The following PCDHGB6 variants were observed in gnomAD, a reference collection of about 807,000 sequenced individuals.
The protein encoded by PCDHGB6 is protocadherin gamma-B6.
In PCDHGB6, 51 loss-of-function variants were observed where a neutral mutation model predicts 59.1. The observed-to-expected ratio is 0.86, with a 90% CI of 0.69 to 1.09. PCDHGB6 has a LOEUF of 1.09. PCDHGB6 is among the 50% of genes least tolerant of loss of function. The probability of loss-of-function intolerance (pLI) is 0.00; values close to 1 mark genes in which losing one functional copy is unlikely to be tolerated. For missense variants in PCDHGB6, 1,148 were observed against 1,205.1 expected, an observed-to-expected ratio of 0.95 and a Z score of 0.70; for synonymous variants, 466 against 495.1, an observed-to-expected ratio of 0.94 and a Z score of 0.78.
At chr5:141,410,846 TGTC>T (rs1025068052) in intron 1 of PCDHGB6, 5 of 423,660 alleles carry the variant, frequency 1.2e-5, no homozygotes, top group South Asian at 4.0e-5. Flanking sequence ...ATTTTGTCTT[TGTC>T]TTTTTTTTTT....
At chr5:141,478,118 G>C in intron 1 of PCDHGB6, 2 of 1,614,048 alleles carry the variant, frequency 1.2e-6, no homozygotes, top group African/African-American at 1.3e-5. Context: ...GTCAGTAACC[G>C]AGGACTCTCC....
chr5:141,409,060 G>C lies in PCDHGB6; in HGVS notation c.858G>C (p.Gln286His), dbSNP rs1464240645. ...ACTACTACTTCCGAAGCACTGCCCAGAGCACAAAACATATGTTCTCATTGG... is the reference window on the plus strand; with the variant it reads ...ACTACTACTTCCGAAGCACTGCCCACAGCACAAAACATATGTTCTCATTGG... The part of the protein sequence containing the change: ...EINYYFRSTA[Q>H]STKHMFSLDE... The change falls in exon 1 of 4, where the codon CAG becomes CAC. Residue 286 changes from glutamine (Q) to histidine (H), a missense_variant. Coordinates refer to ENST00000520790, the MANE Select transcript of PCDHGB6 (RefSeq NM_018926.3). 6.2e-7 allele frequency: 1 copy of C among 1,614,000 alleles called. No individual in the cohort carries two copies. Among genetic ancestry groups the C allele is most frequent in the Non-Finnish European group, 8.5e-7 (1 of 1,179,906 alleles).
At position 141,485,221 on chromosome 5, in the gene PCDHGB6, C is replaced by A; in HGVS notation, c.2419-9586C>A. 4 of 1,614,118 alleles carry A rather than the reference C, an allele frequency of 2.5e-6. No individual in the cohort carries two copies. The highest frequency in any genetic ancestry group is 2.2e-5 in the East Asian group (1 of 44,868). ...GGACAGAAATCTGGCGGTGGGCTAC[C>A]CTTTTGTTCCTCTTTTACCACCTGG... On this transcript the variant is annotated intron_variant, in intron 1 of 3. Coordinates refer to ENST00000520790, the MANE Select transcript of PCDHGB6 (RefSeq NM_018926.3). The surrounding 1 kb of genome is among the most constrained non-coding windows in gnomAD (Gnocchi z 5.7).
chr5:141,486,565 TC>T lies in PCDHGB6; in HGVS notation c.2419-8240del. The T allele has an allele frequency of 6.2e-7, 1 of 1,614,024 alleles. No homozygotes were observed. The highest frequency in any genetic ancestry group is 2.2e-5 in the East Asian group (1 of 44,880). On this transcript the variant is annotated intron_variant, in intron 1 of 3. Transcript: ENST00000520790. This position sits in a 1 kb window ranked among gnomAD's most constrained non-coding sequence, Gnocchi z 5.0. Reference sequence around the variant, plus strand: ...TTCAGAGGTCACATGAGGTGTTTGTTCCTGAGAACAATCGCCCAGGGGACCT... The same window carrying T: ...TTCAGAGGTCACATGAGGTGTTTGTTCTGAGAACAATCGCCCAGGGGACCT...
At chr5:141,425,173 T>A (rs182492696) in intron 1 of PCDHGB6, among the ~76,000 whole-genome samples, 5 of 152,284 alleles carry the variant, frequency 3.3e-5, no homozygotes, top group Admixed American at 3.3e-4. Context: ...GGATTTATAC[T>A]TGTGGAATTC....
At position 141,432,370 on chromosome 5, in the gene PCDHGB6, C is replaced by A. The variant is rs1362496624; in HGVS notation, c.2418+21750C>A. On this transcript the variant is annotated intron_variant, in intron 1 of 3. Transcript: ENST00000520790. The surrounding 1 kb of genome is among the most constrained non-coding windows in gnomAD (Gnocchi z 6.0). Reference sequence around the variant, plus strand: ...AAGTGAAAGTGATGGCGCGGGACAACGGGCACCCGCCCCTCAGCAGCAACG... The same window carrying A: ...AAGTGAAAGTGATGGCGCGGGACAAAGGGCACCCGCCCCTCAGCAGCAACG... The A allele has an allele frequency of 6.2e-7, 1 of 1,614,240 alleles. No homozygotes were observed. The highest frequency in any genetic ancestry group is 8.5e-7 in the Non-Finnish European group (1 of 1,180,048).
chr5:141,487,032 C>T lies in PCDHGB6; in HGVS notation c.2419-7775C>T. 6.2e-7 allele frequency: 1 copy of T among 1,614,210 alleles called. No individual in the cohort carries two copies. The highest frequency in any genetic ancestry group is 1.1e-5 in the South Asian group (1 of 91,084). ...GAGGCCCCAGATCCCAGCCTGTTTG[C>T]AGTCTCTCGATATGCTGGGGAGGTG... On this transcript the variant is annotated intron_variant, in intron 1 of 3. Coordinates refer to ENST00000520790, the MANE Select transcript of PCDHGB6 (RefSeq NM_018926.3). The surrounding 1 kb of genome is among the most constrained non-coding windows in gnomAD (Gnocchi z 5.0).
In PCDHGB6 at chr5:141,430,181, T is replaced by A. The variant is rs561671481; in HGVS notation, c.2418+19561T>A. ...TCTATTTAAAAATATTTTCCCCAAA[T>A]TATAGCTGAATCAGAAAGTTTAAAT... On this transcript the variant is annotated intron_variant, in intron 1 of 3. Transcript: ENST00000520790. 2.0e-5 allele frequency among the ~76,000 whole-genome samples: 3 copies of A among 152,252 alleles called. No homozygotes were observed. The South Asian group carries it at 6.2e-4, about 32-fold the overall frequency.
At position 141,453,908 on chromosome 5, in the gene PCDHGB6, A is replaced by T. The variant is rs1198219869; in HGVS notation, c.2419-40899A>T. On this transcript the variant is annotated intron_variant, in intron 1 of 3. Transcript: ENST00000520790. ...CCAATCACATGACTTCTTTCAAAGT[A>T]TGTCAGTGATCAGTCACTGTGTGCC... Among the ~76,000 whole-genome samples, 4 of 152,242 alleles carry T rather than the reference A, an allele frequency of 2.6e-5. No homozygotes were observed. The East Asian group carries it at 5.8e-4, about 22-fold the overall frequency.
chr5:141,486,734 C>G lies in PCDHGB6; in HGVS notation c.2419-8073C>G, dbSNP rs2099634292. On this transcript the variant is annotated intron_variant, in intron 1 of 3. Transcript: ENST00000520790. This position sits in a 1 kb window ranked among gnomAD's most constrained non-coding sequence, Gnocchi z 5.0. ...CCAGACAGGAGCTGTTCATGCTACT[C>G]GATCCTTTGACTATGAGCAAACCCA... 6.2e-7 allele frequency: 1 copy of G among 1,614,070 alleles called. No individual in the cohort carries two copies. The highest frequency in any genetic ancestry group is 1.7e-5 in the Admixed American group (1 of 60,000).
In PCDHGB6 at chr5:141,489,185, T is replaced by G; in HGVS notation, c.2419-5622T>G. The G allele has an allele frequency of 7.8e-7, 1 of 1,286,838 alleles. No individual in the cohort carries two copies. The highest frequency in any genetic ancestry group is 1.5e-5 in the African/African-American group (1 of 67,216). 79.7% of individuals were successfully genotyped at this position (1,286,838 alleles called of 1,614,324 possible). On this transcript the variant is annotated intron_variant, in intron 1 of 3. Transcript: ENST00000520790. The surrounding 1 kb of genome is among the most constrained non-coding windows in gnomAD (Gnocchi z 4.5). The stretch of plus-strand genomic sequence containing the variant: ...CAGCTGCTGCATTCCAAGCCCTGGG[T>G]CTACCTTGGAGACAGGACAGCACAG...
intron 1 of PCDHGB6, among the ~76,000 whole-genome samples, chr5:141,483,208 G>A (rs1195144442): frequency 6.6e-6 from 1 of 152,196 alleles, no homozygotes; most frequent in East Asian, 1.9e-4. Context: ...ATTCCATATA[G>A]ATGACAGTCA....
rs2099669219 is a variant in PCDHGB6, at chr5:141,487,927, C to T, written c.2419-6880C>T. 3 of 626,498 alleles carry T rather than the reference C, an allele frequency of 4.8e-6. No homozygotes were observed. Among genetic ancestry groups the T allele is most frequent in the Admixed American group, 5.9e-5 (2 of 34,100 alleles). The allele number at this position is 626,498 out of a possible 1,614,324, so 38.8% of individuals were successfully genotyped here. On this transcript the variant is annotated intron_variant, in intron 1 of 3. Coordinates refer to ENST00000520790, the MANE Select transcript of PCDHGB6 (RefSeq NM_018926.3). The surrounding 1 kb of genome is among the most constrained non-coding windows in gnomAD (Gnocchi z 5.0). ...TGGGAGCACAGGAGGCTACAGTGCA[C>T]AGGGTACAGTGCACCAGGCAGTCAC...
rs1312195504 is a variant in PCDHGB6 at position 141,429,392 on chromosome 5, A to ATTTTT, written c.2418+18772_2418+18773insTTTTT. On this transcript the variant is annotated intron_variant, in intron 1 of 3. Transcript: ENST00000520790. Reference sequence around the variant, plus strand: ...GAGAAAATGTGTTTTTTTTTTAAAAAAAATTGAGATTAAGGTCTCATTATG... The same window carrying ATTTTT: ...GAGAAAATGTGTTTTTTTTTTAAAAATTTTTAAATTGAGATTAAGGTCTCATTATG... Among the ~76,000 whole-genome samples, 131 of 152,104 alleles carry ATTTTT rather than the reference A, an allele frequency of 8.6e-4. 1 individual carries two copies. Among genetic ancestry groups the ATTTTT allele is most frequent in the Non-Finnish European group, 1.5e-3 (100 of 67,974 alleles).
At position 141,486,250 on chromosome 5, in the gene PCDHGB6, C is replaced by T; in HGVS notation, c.2419-8557C>T. 1 of 1,614,140 alleles carries T rather than the reference C, an allele frequency of 6.2e-7. No homozygotes were observed. The highest frequency in any genetic ancestry group is 2.2e-5 in the East Asian group (1 of 44,872). On this transcript the variant is annotated intron_variant, in intron 1 of 3. Coordinates refer to ENST00000520790, the MANE Select transcript of PCDHGB6 (RefSeq NM_018926.3). The surrounding 1 kb of genome is among the most constrained non-coding windows in gnomAD (Gnocchi z 5.0). ...CAGTGACCTCAGAGCTTGGAACCCT[C>T]CCCGAGAGTGCAGAACCTGGCACTG...
At chr5:141,452,082 T>C (rs924362905) in intron 1 of PCDHGB6, among the ~76,000 whole-genome samples, 6 of 152,358 alleles carry the variant, frequency 3.9e-5, no homozygotes, top group Admixed American at 6.5e-5. Flanking sequence ...GTTGGCATTA[T>C]ACAGTAAGAA....
In PCDHGB6 at chr5:141,511,345, TCC is replaced by T; in HGVS notation, c.*178_*179del. 1 of 1,410,484 alleles carries T rather than the reference TCC, an allele frequency of 7.1e-7. No homozygotes were observed. The highest frequency in any genetic ancestry group is 9.4e-7 in the Non-Finnish European group (1 of 1,060,658). The allele number at this position is 1,410,484 out of a possible 1,614,324, so 87.4% of individuals were successfully genotyped here. On this transcript the variant is annotated 3_prime_UTR_variant, in exon 4 of 4. Coordinates refer to ENST00000520790, the MANE Select transcript of PCDHGB6 (RefSeq NM_018926.3). ...AAGTGCCCAGTCAGCACCTACCCCT[TCC>T]CCCCCAGGGGGTTGAATATGCAAAA... is the stretch of plus-strand genomic sequence containing the variant.
intron 3 of PCDHGB6, 56 bp from the exon 4 acceptor site, chr5:141,510,891 G>A (rs945706652): frequency 8.7e-6 from 14 of 1,612,762 alleles, no homozygotes; most frequent in Middle Eastern, 1.6e-4. Flanking sequence ...ATATAAGACA[G>A]TGACTGTTGA....
intron 1 of PCDHGB6, chr5:141,421,009 T>G (rs948913987): frequency 1.9e-6 from 1 of 515,496 alleles, no homozygotes. Context: ...AATCAGGGAA[T>G]GGGAAGCTGC....
Sources: allele counts gnomAD v4.1 joint callset (sites outside exome capture counted in the v4.1 genomes callset), GRCh38; gene constraint gnomAD v4.1.1; non-coding constraint Gnocchi (gnomAD v3.1); transcripts MANE v1.5; gene names NCBI Gene and HGNC (gene_info 2026-07-23, HGNC 2026-07-21).